SYTL3: variants seen among roughly 807,000 people sequenced by gnomAD.
SYTL3 encodes synaptotagmin like 3.
In SYTL3, 88 loss-of-function variants were observed where a neutral mutation model predicts 82.1. The ratio of observed to expected loss-of-function variants is 1.07; its 90% CI spans 0.90 to 1.28. The LOEUF (loss-of-function observed/expected upper bound fraction) is 1.28. SYTL3 is among the 50% of genes most tolerant of loss of function. The pLI, the probability that SYTL3 is intolerant of heterozygous loss-of-function variation, is 0.00. For synonymous variants in SYTL3, 311 were observed against 289.4 expected (o/e 1.07, Z -0.76); for missense variants, 831 against 757.6 (o/e 1.10, Z -1.14).
At chr6:158,739,409 T>A (rs899252058) in intron 11 of SYTL3, among the ~76,000 whole-genome samples, 18 of 152,334 alleles carry the variant, frequency 1.2e-4, no homozygotes, top group African/African-American at 2.4e-4. Context: ...ATAGTTTTTT[T>A]AAAAAATATT....
intron 6 of SYTL3, among the ~76,000 whole-genome samples, chr6:158,700,225 C>T (rs888479377): frequency 1.7e-4 from 26 of 152,118 alleles, no homozygotes; most frequent in African/African-American, 6.0e-4. Flanking sequence ...CATTGTACTC[C>T]AGCCTGGGCA....
intron 8 of SYTL3, among the ~76,000 whole-genome samples, chr6:158,710,914 G>A (rs1249680358): frequency 6.6e-6 from 1 of 152,042 alleles, no homozygotes; most frequent in Non-Finnish European, 1.5e-5. Context: ...CTGAGTAGCT[G>A]GGATTACAGG....
chr6:158,660,220 G>A (rs187685032), intron 2 of SYTL3, among the ~76,000 whole-genome samples: 45 of 152,094 alleles, frequency 3.0e-4, no homozygotes, highest in African/African-American at 1.0e-3. Context: ...AGCCGAGATC[G>A]CACCACTGCA....
At chr6:158,700,818 G>A (rs745928962) in intron 6 of SYTL3, among the ~76,000 whole-genome samples, 19 of 152,060 alleles carry the variant, frequency 1.2e-4, no homozygotes, top group South Asian at 2.1e-4. Flanking sequence ...GGGTTTCACT[G>A]TGTTAGCCAG....
In SYTL3 at chr6:158,713,814, T is replaced by C. The variant is rs767599831; in HGVS notation, c.531T>C (p.Gly177=). The part of the protein sequence containing the change: ...SRSPGRLQEF[G]QFRGFNKSVE... The stretch of plus-strand genomic sequence containing the variant: ...CTCTGTTTTAGTTACAGGAATTTGG[T>C]CAGTTTAGAGGATTTAATAAGTCCG... Residue 177 remains glycine, a synonymous_variant, in exon 9 of 18, where the codon GGT becomes GGC. Coordinates refer to ENST00000611299, the MANE Select transcript of SYTL3 (RefSeq NM_001242394.2). 1.3e-6 allele frequency: 2 copies of C among 1,549,452 alleles called. No homozygotes were observed. Among genetic ancestry groups the C allele is most frequent in the South Asian group, 2.4e-5 (2 of 84,016 alleles).
chr6:158,715,060 C>T (rs1299142933), intron 9 of SYTL3, among the ~76,000 whole-genome samples: 1 of 152,172 alleles, frequency 6.6e-6, no homozygotes, highest in African/African-American at 2.4e-5. Context: ...GACAGTAACC[C>T]CTGCTCTGTG....
At chr6:158,699,869 C>T (rs1343287022) in intron 6 of SYTL3, among the ~76,000 whole-genome samples, 1 of 151,934 alleles carries the variant, frequency 6.6e-6, no homozygotes, top group African/African-American at 2.4e-5. Flanking sequence ...ATCGCTTGAA[C>T]CAGGGGCGCG....
At chr6:158,695,036 A>G (rs971700787) in intron 6 of SYTL3, among the ~76,000 whole-genome samples, 5 of 152,198 alleles carry the variant, frequency 3.3e-5, no homozygotes, top group Admixed American at 6.5e-5. Context: ...GGAGTTGGCA[A>G]ACAACAGCCT....
At chr6:158,697,934 G>A (rs1406824435) in intron 6 of SYTL3, among the ~76,000 whole-genome samples, 2 of 152,164 alleles carry the variant, frequency 1.3e-5, no homozygotes. Context: ...GCTGGATAGG[G>A]GATGCTTCTT....
intron 6 of SYTL3, among the ~76,000 whole-genome samples, chr6:158,692,773 TAAAA>T (rs35173536): frequency 2.5e-4 from 31 of 121,686 alleles, no homozygotes; most frequent in African/African-American, 4.4e-4. Context: ...CCGTCTCTAC[TAAAA>T]AAAAAAAAAA....
chr6:158,713,982 C>G, intron 9 of SYTL3, 104 bp downstream of exon 9: 1 of 806,240 alleles, frequency 1.2e-6, no homozygotes. Flanking sequence ...TCCCTCAGGC[C>G]ACTCACTTTG....
At chr6:158,655,335 A>T (rs1788553597) in intron 2 of SYTL3, among the ~76,000 whole-genome samples, 1 of 152,112 alleles carries the variant, frequency 6.6e-6, no homozygotes, top group African/African-American at 2.4e-5. Flanking sequence ...AGGAAGTTTG[A>T]CATCGGAGTA....
At chr6:158,731,515 C>T (rs1785415434) in intron 11 of SYTL3, among the ~76,000 whole-genome samples, 1 of 152,014 alleles carries the variant, frequency 6.6e-6, no homozygotes, top group Admixed American at 6.6e-5. Context: ...GCATCATCAC[C>T]TTCAGAATCA....
chr6:158,651,211 G>T (rs951257175), intron 1 of SYTL3, among the ~76,000 whole-genome samples: 2 of 152,198 alleles, frequency 1.3e-5, no homozygotes, highest in Non-Finnish European at 2.9e-5. Flanking sequence ...AAACTATCTG[G>T]TTCAGAGTAA....
chr6:158,730,323 T>C (rs1316932146), intron 11 of SYTL3, among the ~76,000 whole-genome samples: 4 of 152,244 alleles, frequency 2.6e-5, no homozygotes, highest in Non-Finnish European at 5.9e-5. Context: ...ATTGTTCAGG[T>C]GTGCTGTCGT....
At chr6:158,733,873 G>A (rs765172438) in intron 11 of SYTL3, among the ~76,000 whole-genome samples, 20 of 150,920 alleles carry the variant, frequency 1.3e-4, no homozygotes, top group East Asian at 2.0e-4. Flanking sequence ...CGAGGAGGGC[G>A]GATCACGAGG....
chr6:158,730,174 T>C (rs1308845946), intron 11 of SYTL3, among the ~76,000 whole-genome samples: 1 of 152,258 alleles, frequency 6.6e-6, no homozygotes, highest in African/African-American at 2.4e-5. Flanking sequence ...TCCTTTGTTC[T>C]CTATTGCCTA....
intron 8 of SYTL3, among the ~76,000 whole-genome samples, chr6:158,710,088 C>T (rs1483208611): frequency 6.6e-6 from 1 of 152,176 alleles, no homozygotes; most frequent in African/African-American, 2.4e-5. Flanking sequence ...GGCCACTTTA[C>T]ACAATAAATA....
intron 6 of SYTL3, among the ~76,000 whole-genome samples, chr6:158,705,358 G>C (rs1781927137): frequency 7.3e-6 from 1 of 137,730 alleles, no homozygotes; most frequent in Admixed American, 7.2e-5. Context: ...GGCCACATAG[G>C]GCAGGAGGGA....
Sources: allele counts gnomAD v4.1 joint callset (sites outside exome capture counted in the v4.1 genomes callset), GRCh38; gene constraint gnomAD v4.1.1; transcripts MANE v1.5; gene names NCBI Gene and HGNC (gene_info 2026-07-23, HGNC 2026-07-21).